PROCR: variants seen among roughly 807,000 people sequenced by gnomAD.
The protein encoded by PROCR is protein C receptor.
PROCR carries 22 observed loss-of-function variants against 24.2 expected under a neutral mutation model. The observed-to-expected ratio is 0.91, with a 90% CI of 0.65 to 1.30. The LOEUF (loss-of-function observed/expected upper bound fraction) is 1.30. Among genes scored for constraint, PROCR ranks in the 50% most tolerant of loss-of-function variants. PROCR has a pLI of 0.00. For synonymous variants in PROCR, 137 were observed against 139.2 expected, an observed-to-expected ratio of 0.98 and a Z score of 0.11; for missense variants, 288 against 307.7, an observed-to-expected ratio of 0.94 and a Z score of 0.48.
At chr20:35,204,656 T>C (rs2146175383) in intron 1 of PROCR, among the ~76,000 whole-genome samples, 1 of 152,136 alleles carries the variant, frequency 6.6e-6, no homozygotes, top group Admixed American at 6.6e-5. Flanking sequence ...ATTACAGGCA[T>C]GCGCCACCAT....
intron 1 of PROCR, among the ~76,000 whole-genome samples, chr20:35,184,620 A>C (rs1044991641): frequency 2.6e-5 from 4 of 152,312 alleles, no homozygotes; most frequent in African/African-American, 9.6e-5. Context: ...GAATGGCGTG[A>C]ACCCAGGAGG....
intron 1 of PROCR, among the ~76,000 whole-genome samples, chr20:35,189,185 A>G (rs578153976): frequency 3.9e-5 from 6 of 152,134 alleles, no homozygotes; most frequent in African/African-American, 1.4e-4. Flanking sequence ...ATTACCAAAA[A>G]TGGGTAAGAG....
chr20:35,186,521 G>A (rs965336134), intron 1 of PROCR, among the ~76,000 whole-genome samples: 16 of 147,190 alleles, frequency 1.1e-4, no homozygotes, highest in East Asian at 4.0e-4. Context: ...AGCCAAGATC[G>A]CGCCATTGCA....
chr20:35,173,004 A>G (rs1285329317), intron 1 of PROCR, among the ~76,000 whole-genome samples: 2 of 152,206 alleles, frequency 1.3e-5, no homozygotes, highest in Non-Finnish European at 2.9e-5. Flanking sequence ...TATGAGGAGG[A>G]AACTGGGTCA....
intron 1 of PROCR, among the ~76,000 whole-genome samples, chr20:35,195,150 C>G (rs2086204929): frequency 6.6e-6 from 1 of 151,872 alleles, no homozygotes. Context: ...GAAAAAGAAC[C>G]AAATAGAAAT....
At chr20:35,184,603 G>A (rs1051844824) in intron 1 of PROCR, among the ~76,000 whole-genome samples, 35 of 152,314 alleles carry the variant, frequency 2.3e-4, no homozygotes, top group African/African-American at 7.7e-4. Flanking sequence ...AGAAGGCTGA[G>A]GCAGGAGAAT....
At chr20:35,176,549 A>G (rs2086020697) in intron 3 of PROCR, 103 bp downstream of exon 3, 10 of 1,599,556 alleles carry the variant, frequency 6.3e-6, no homozygotes, top group Non-Finnish European at 7.7e-6. Context: ...AGAGGCCCAC[A>G]GCTGGGGGTT....
At chr20:35,209,034 G>A (rs1163474192) in intron 1 of PROCR, among the ~76,000 whole-genome samples, 4 of 152,162 alleles carry the variant, frequency 2.6e-5, no homozygotes, top group African/African-American at 9.6e-5. Flanking sequence ...AGCAGGTATT[G>A]TCCTTGTGTT....
chr20:35,176,519 G>A, intron 3 of PROCR, 73 bp downstream of exon 3: 2 of 1,602,938 alleles, frequency 1.2e-6, no homozygotes, highest in African/African-American at 1.3e-5. Context: ...GGACCTGAAG[G>A]ATGGATGCCT....
chr20:35,171,351 G>T (rs1261651300), upstream of PROCR, among the ~76,000 whole-genome samples: 1 of 152,160 alleles, frequency 6.6e-6, no homozygotes, highest in Non-Finnish European at 1.5e-5. Context: ...GTGACGCGCT[G>T]AAATTTTGTA....
In PROCR at chr20:35,176,406, G is replaced by T; in HGVS notation, c.561G>T (p.Val187=). Residue 187 remains valine (V), a synonymous_variant, in exon 3 of 4, where the codon GTG becomes GTT. Transcript: ENST00000216968. ...ELREFLEDTC[V]QYVQKHISAE... Reference sequence around the variant, plus strand: ...GGGAATTCCTGGAGGACACCTGTGTGCAGTATGTGCAGAAACATATTTCCG... The same window carrying T: ...GGGAATTCCTGGAGGACACCTGTGTTCAGTATGTGCAGAAACATATTTCCG... The T allele has an allele frequency of 6.2e-7, 1 of 1,614,202 alleles. No homozygotes were observed.
At chr20:35,173,423 C>CTTTTTTTTT (rs58785250) in intron 1 of PROCR, among the ~76,000 whole-genome samples, 42 of 88,146 alleles carry the variant, frequency 4.8e-4, no homozygotes, top group Non-Finnish European at 7.3e-4. Flanking sequence ...TTTCTTTTTT[C>CTTTTTTTTT]TTTTTTTTTT....
At chr20:35,204,493 G>C (rs1043049079) in intron 1 of PROCR, among the ~76,000 whole-genome samples, 1 of 151,446 alleles carries the variant, frequency 6.6e-6, no homozygotes, top group African/African-American at 2.4e-5. Context: ...CTGGAGTACA[G>C]TGGTGCAATC....
intron 1 of PROCR, among the ~76,000 whole-genome samples, chr20:35,172,887 A>G (rs528833801): frequency 1.3e-5 from 2 of 152,122 alleles, no homozygotes; most frequent in Admixed American, 6.5e-5. Context: ...AGAGGCAGCA[A>G]ATAATAACCA....
intron 1 of PROCR, among the ~76,000 whole-genome samples, chr20:35,211,533 A>G (rs2060362656): frequency 6.6e-6 from 1 of 152,166 alleles, no homozygotes; most frequent in Admixed American, 6.6e-5. Context: ...ACTGTGAAGC[A>G]ATATATGGCT....
At position 35,172,104 on chromosome 20, in the gene PROCR, G is replaced by T. The variant is rs2085956381; in HGVS notation, c.-51G>T. On this transcript the variant is annotated 5_prime_UTR_variant, in exon 1 of 4. Transcript: ENST00000216968. ...TTTTCCCTAGACTGCAGCCAGCGGA[G>T]CCCGCAGCCGGCCCGAGCCAGGAAC... The T allele has an allele frequency of 6.3e-7, 1 of 1,581,864 alleles. No individual in the cohort carries two copies. Among genetic ancestry groups the T allele is most frequent in the Non-Finnish European group, 8.7e-7 (1 of 1,150,918 alleles).
At chr20:35,214,119 T>C (rs1020373385) in intron 1 of PROCR, among the ~76,000 whole-genome samples, 1 of 151,714 alleles carries the variant, frequency 6.6e-6, no homozygotes, top group Non-Finnish European at 1.5e-5. Flanking sequence ...AAAATAAAAA[T>C]AAAAATTGCC....
intron 1 of PROCR, among the ~76,000 whole-genome samples, chr20:35,184,874 G>A (rs1216768450): frequency 1.1e-4 from 16 of 151,972 alleles, no homozygotes; most frequent in Admixed American, 9.8e-4. Flanking sequence ...GTAAATAGCT[G>A]GGACCTAATT....
At chr20:35,171,850 G>T (rs569008991), upstream of PROCR, among the ~76,000 whole-genome samples, 27 of 152,078 alleles carry the variant, frequency 1.8e-4, no homozygotes, top group Middle Eastern at 3.4e-3. Flanking sequence ...TCCGCTCCCT[G>T]TTCCTGGTTC....
Sources: allele counts gnomAD v4.1 joint callset (sites outside exome capture counted in the v4.1 genomes callset), GRCh38; gene constraint gnomAD v4.1.1; transcripts MANE v1.5; gene names NCBI Gene and HGNC (gene_info 2026-07-23, HGNC 2026-07-21).